The following PARD3B variants were observed in gnomAD, a reference collection of about 807,000 sequenced individuals.
PARD3B encodes the protein partitioning defective 3 homolog B.
In PARD3B, 103 loss-of-function variants were observed where a neutral mutation model predicts 130.2. The ratio of observed to expected loss-of-function variants is 0.79; its 90% CI spans 0.67 to 0.93. PARD3B has a LOEUF of 0.93. PARD3B is among the 40% of genes least tolerant of loss of function. The pLI is 0.00. For missense variants in PARD3B, 1,609 were observed against 1,499.2 expected (o/e 1.07, Z -1.21); for synonymous variants, 583 against 553.2 (o/e 1.05, Z -0.76).
rs2054375213 is a variant in PARD3B, at chr2:205,591,221, A to G, written c.3261-24235A>G. Among the ~76,000 whole-genome samples the G allele has an allele frequency of 6.6e-6, 1 of 152,144 alleles. No individual in the cohort carries two copies. The highest frequency in any genetic ancestry group is 2.4e-5 in the African/African-American group (1 of 41,428). ...AAAAAACTGTTTAGAGAGAGTGTACATTTTAGTGTATTTTGTATAAGTTTT... is the reference window on the plus strand; with the variant it reads ...AAAAAACTGTTTAGAGAGAGTGTACGTTTTAGTGTATTTTGTATAAGTTTT... On this transcript the variant is annotated intron_variant, in intron 22 of 22. Coordinates refer to ENST00000406610, the MANE Select transcript of PARD3B (RefSeq NM_001302769.2). The surrounding 1 kb of genome is among the most constrained non-coding windows in gnomAD (Gnocchi z 4.2).
intron 20 of PARD3B, among the ~76,000 whole-genome samples, chr2:205,492,138 C>T (rs2049741253): frequency 6.6e-6 from 1 of 152,068 alleles, no homozygotes; most frequent in Non-Finnish European, 1.5e-5. Flanking sequence ...CATAGTTTTT[C>T]ATCAGATTCT....
chr2:205,590,578 C>T lies in PARD3B; in HGVS notation c.3261-24878C>T, dbSNP rs2054351998. 1.3e-5 allele frequency among the ~76,000 whole-genome samples: 2 copies of T among 152,098 alleles called. No individual in the cohort carries two copies. The highest frequency in any genetic ancestry group is 4.2e-4 in the South Asian group (2 of 4,818). ...CTCTGGAGTCCAGAGTGGAGTCATT[C>T]CACCTGAACCACATGGACTGAGAGT... On this transcript the variant is annotated intron_variant, in intron 22 of 22. Transcript: ENST00000406610. This position sits in a 1 kb window ranked among gnomAD's most constrained non-coding sequence, Gnocchi z 4.1.
At chr2:204,873,788 G>A (rs1335201740) in intron 2 of PARD3B, among the ~76,000 whole-genome samples, 1 of 152,098 alleles carries the variant, frequency 6.6e-6, no homozygotes, top group Admixed American at 6.6e-5. Flanking sequence ...AAATATAGTA[G>A]GCATCTGGCA....
intron 2 of PARD3B, among the ~76,000 whole-genome samples, chr2:204,741,094 C>T (rs1466404167): frequency 6.6e-6 from 1 of 151,990 alleles, no homozygotes; most frequent in Non-Finnish European, 1.5e-5. Flanking sequence ...GTTTAAGAAG[C>T]TTGTAGCATA....
In PARD3B at chr2:205,021,341, T is replaced by G. The variant is rs1696581570; in HGVS notation, c.395-26240T>G. On this transcript the variant is annotated intron_variant, in intron 3 of 22. Coordinates refer to ENST00000406610, the MANE Select transcript of PARD3B (RefSeq NM_001302769.2). This position sits in a 1 kb window ranked among gnomAD's most constrained non-coding sequence, Gnocchi z 4.5. Reference sequence around the variant, plus strand: ...TAATAATTTAGACATTGTTTTGGAATGATAAAGTTTATTGTACATGGTAAG... The same window carrying G: ...TAATAATTTAGACATTGTTTTGGAAGGATAAAGTTTATTGTACATGGTAAG... Among the ~76,000 whole-genome samples the G allele has an allele frequency of 1.3e-5, 2 of 152,148 alleles. No individual in the cohort carries two copies. Among genetic ancestry groups the G allele is most frequent in the Admixed American group, 1.3e-4 (2 of 15,250 alleles).
rs115652843 is a variant in PARD3B at position 205,234,701 on chromosome 2, G to A, written c.2141-11077G>A. 4.2e-3 allele frequency among the ~76,000 whole-genome samples: 633 copies of A among 151,700 alleles called. 2 individuals are homozygous for A. The highest frequency in any genetic ancestry group is 0.014 in the African/African-American group (578 of 41,446). On this transcript the variant is annotated intron_variant, in intron 15 of 22. Coordinates refer to ENST00000406610, the MANE Select transcript of PARD3B (RefSeq NM_001302769.2). The stretch of plus-strand genomic sequence containing the variant: ...TATCAACTATCTTGACCTAATTAAC[G>A]TTTATAGAACACTCTGCACAACAAC...
chr2:204,838,072 A>G (rs2125582001), intron 2 of PARD3B, among the ~76,000 whole-genome samples: 1 of 152,306 alleles, frequency 6.6e-6, no homozygotes. Flanking sequence ...GCTGTAGAAG[A>G]GTGATCAACA....
intron 3 of PARD3B, among the ~76,000 whole-genome samples, chr2:205,030,103 ATGC>A (rs1697314923): frequency 6.6e-6 from 1 of 152,190 alleles, no homozygotes; most frequent in African/African-American, 2.4e-5. Context: ...GTGGTATAGA[ATGC>A]TGATCATGAC....
Position 205,300,515 on chromosome 2 carries a change from C to T in PARD3B, c.2186-15C>T. ...CCATTAGAAGAGGGGTGACCTTTTG[C>T]CCTTTCTTTTCCAGAATCTCCAAGC... On this transcript the variant is annotated splice_polypyrimidine_tract_variant and intron_variant, in intron 16 of 22. Transcript: ENST00000406610. The surrounding 1 kb of genome is among the most constrained non-coding windows in gnomAD (Gnocchi z 4.1). 1 of 1,604,354 alleles carries T rather than the reference C, an allele frequency of 6.2e-7. No homozygotes were observed. The highest frequency in any genetic ancestry group is 8.5e-7 in the Non-Finnish European group (1 of 1,172,212).
Position 204,974,918 on chromosome 2 carries a change from T to C in PARD3B, c.394+9595T>C, listed in dbSNP as rs60808261. On this transcript the variant is annotated intron_variant, in intron 3 of 22. Coordinates refer to ENST00000406610, the MANE Select transcript of PARD3B (RefSeq NM_001302769.2). ...GCATTGTGCTAGGCTACCAAAGGAA[T>C]ATAAAATAATACACATCACAGATTC... Among the ~76,000 whole-genome samples the C allele has an allele frequency of 5.0e-3, 762 of 152,346 alleles. 4 individuals carry two copies. The highest frequency in any genetic ancestry group is 0.017 in the African/African-American group (725 of 41,582).
At chr2:204,562,076 C>A (rs916194478) in intron 1 of PARD3B, among the ~76,000 whole-genome samples, 11 of 152,094 alleles carry the variant, frequency 7.2e-5, no homozygotes, top group African/African-American at 2.7e-4. Flanking sequence ...ATACAACAAA[C>A]CCCCGTGCCC....
chr2:205,055,795 CT>C (rs1699591255), intron 4 of PARD3B, among the ~76,000 whole-genome samples: 1 of 152,070 alleles, frequency 6.6e-6, no homozygotes, highest in Non-Finnish European at 1.5e-5. Flanking sequence ...GTGAGGTTAT[CT>C]TTCCATCCAA....
chr2:204,929,672 G>C, intron 2 of PARD3B, among the ~76,000 whole-genome samples: 1 of 151,338 alleles, frequency 6.6e-6, no homozygotes, highest in East Asian at 1.9e-4. Flanking sequence ...CAAGTGAGAA[G>C]CTTTTATAAA....
Position 205,146,507 on chromosome 2 carries a change from T to C in PARD3B, c.1435-12215T>C, listed in dbSNP as rs2125685055. Among the ~76,000 whole-genome samples, 1 of 151,790 alleles carries C rather than the reference T, an allele frequency of 6.6e-6. No homozygotes were observed. Among genetic ancestry groups the C allele is most frequent in the East Asian group, 2.0e-4 (1 of 4,998 alleles). ...TACTAAAAATACAAAAACATTTATCTGGGCGTGGTGGCGGGCGCCTGTAGT... is the reference window on the plus strand; with the variant it reads ...TACTAAAAATACAAAAACATTTATCCGGGCGTGGTGGCGGGCGCCTGTAGT... On this transcript the variant is annotated intron_variant, in intron 10 of 22. Transcript: ENST00000406610. This position sits in a 1 kb window ranked among gnomAD's most constrained non-coding sequence, Gnocchi z 4.3.
chr2:205,596,595 A>T (rs774644474), intron 22 of PARD3B, among the ~76,000 whole-genome samples: 2 of 152,158 alleles, frequency 1.3e-5, no homozygotes, highest in Non-Finnish European at 2.9e-5. Flanking sequence ...TCTACATCAA[A>T]ATTAATAGAG....
Position 204,857,324 on chromosome 2 carries a change from C to A in PARD3B, c.223-107828C>A, listed in dbSNP as rs568295831. 3.9e-5 allele frequency among the ~76,000 whole-genome samples: 6 copies of A among 152,126 alleles called. No homozygotes were observed. The South Asian group carries it at 1.2e-3, about 32-fold the overall frequency. On this transcript the variant is annotated intron_variant, in intron 2 of 22. Transcript: ENST00000406610. ...TAACTCTTTATCTTAAGAATAAATCCTGTTTGTATCTGTCTCTCAAGCTAT... is the reference window on the plus strand; with the variant it reads ...TAACTCTTTATCTTAAGAATAAATCATGTTTGTATCTGTCTCTCAAGCTAT...
At chr2:205,580,280 C>T (rs1023920143) in intron 22 of PARD3B, among the ~76,000 whole-genome samples, 1 of 152,076 alleles carries the variant, frequency 6.6e-6, no homozygotes, top group Admixed American at 6.6e-5. Flanking sequence ...AAATTTAGGT[C>T]TTTTTTCAAG....
chr2:205,516,511 G>A (rs1326832094), intron 21 of PARD3B, among the ~76,000 whole-genome samples: 1 of 152,080 alleles, frequency 6.6e-6, no homozygotes, highest in African/African-American at 2.4e-5. Flanking sequence ...GTATTTCTAG[G>A]TATTTTATTC....
At chr2:204,638,375 G>A (rs1333791192) in intron 1 of PARD3B, among the ~76,000 whole-genome samples, 1 of 152,174 alleles carries the variant, frequency 6.6e-6, no homozygotes, top group Non-Finnish European at 1.5e-5. Flanking sequence ...TACTAGGTAT[G>A]TCAGTGTTTG....
Sources: allele counts gnomAD v4.1 joint callset (sites outside exome capture counted in the v4.1 genomes callset), GRCh38; gene constraint gnomAD v4.1.1; non-coding constraint Gnocchi (gnomAD v3.1); transcripts MANE v1.5; gene names NCBI Gene and HGNC (gene_info 2026-07-23, HGNC 2026-07-21).